Variants in FYB2 observed in about 807,000 individuals in gnomAD.
FYB2 encodes the protein FYN-binding protein 2.
A neutral mutation model predicts 94.1 loss-of-function variants in FYB2; 103 were observed. That is an observed-to-expected ratio of 1.09 (90% CI 0.93 to 1.29). The LOEUF (loss-of-function observed/expected upper bound fraction) is 1.29. Among genes scored for constraint, FYB2 ranks in the 50% most tolerant of loss-of-function variants. FYB2 has a pLI of 0.00. For synonymous variants in FYB2, 293 were observed against 287.9 expected, an observed-to-expected ratio of 1.02 and a Z score of -0.18; for missense variants, 896 against 841.5, an observed-to-expected ratio of 1.06 and a Z score of -0.80.
At chr1:56,720,908 C>T (rs1259653413) in intron 17 of FYB2, 1 of 152,136 alleles carries the variant, frequency 6.6e-6, no homozygotes, top group East Asian at 1.9e-4. Flanking sequence ...ACTAAAACCT[C>T]TGTGTAGTGC....
At chr1:56,759,821 G>T (rs1001764306) in intron 5 of FYB2, among the ~76,000 whole-genome samples, 1 of 152,114 alleles carries the variant, frequency 6.6e-6, no homozygotes, top group African/African-American at 2.4e-5. Flanking sequence ...GGTGGCTCAT[G>T]CCTGTAATCC....
chr1:56,766,234 C>G (rs1645619993), intron 5 of FYB2, among the ~76,000 whole-genome samples: 1 of 152,094 alleles, frequency 6.6e-6, no homozygotes, highest in African/African-American at 2.4e-5. Flanking sequence ...TGTATGAACG[C>G]TAGAAATTGA....
intron 1 of FYB2, among the ~76,000 whole-genome samples, chr1:56,800,483 AAATT>A (rs1266706781): frequency 3.3e-5 from 5 of 152,234 alleles, no homozygotes; most frequent in East Asian, 3.9e-4. Flanking sequence ...AAAAATAAAT[AAATT>A]AATTAATTAA....
intron 1 of FYB2, among the ~76,000 whole-genome samples, chr1:56,804,434 G>T (rs140874754): frequency 2.2e-4 from 33 of 152,228 alleles, no homozygotes; most frequent in Non-Finnish European, 4.1e-4. Flanking sequence ...CATCTAAAGC[G>T]CAGGTTCAGG....
rs764922120 is a variant in FYB2, at chr1:56,787,225, C to A, written c.920-17G>T. On this transcript the variant is annotated splice_polypyrimidine_tract_variant and intron_variant, in intron 3 of 19. Coordinates refer to ENST00000343433, the MANE Select transcript of FYB2 (RefSeq NM_001004303.5). Reference sequence around the variant, plus strand: ...CCACAGTCACTGCAAGAGAAAGAGGCGGAATGAAAAAGAGGCATTTGCAGC... The same window carrying A: ...CCACAGTCACTGCAAGAGAAAGAGGAGGAATGAAAAAGAGGCATTTGCAGC... 3 of 1,613,632 alleles carry A rather than the reference C, an allele frequency of 1.9e-6. No homozygotes were observed. The highest frequency in any genetic ancestry group is 4.5e-5 in the East Asian group (2 of 44,826).
chr1:56,789,211 C>T (rs41302786), intron 2 of FYB2, 77 bp from the exon 3 acceptor site: 13 of 1,473,406 alleles, frequency 8.8e-6, no homozygotes, highest in Non-Finnish European at 1.2e-5. Flanking sequence ...GGTTTCCTTG[C>T]CTCCATCTAA....
chr1:56,785,009 T>A (rs1237534181), intron 4 of FYB2, among the ~76,000 whole-genome samples: 3 of 152,208 alleles, frequency 2.0e-5, no homozygotes, highest in Non-Finnish European at 4.4e-5. Flanking sequence ...TTCAGCGCTA[T>A]GGCCCACATC....
intron 1 of FYB2, among the ~76,000 whole-genome samples, chr1:56,804,721 C>T (rs1212537382): frequency 6.6e-6 from 1 of 151,942 alleles, no homozygotes; most frequent in African/African-American, 2.4e-5. Flanking sequence ...CAGAGTGAGA[C>T]TCCATCTCAA....
At chr1:56,739,650 G>A (rs1644906522) in intron 13 of FYB2, among the ~76,000 whole-genome samples, 1 of 152,078 alleles carries the variant, frequency 6.6e-6, no homozygotes, top group African/African-American at 2.4e-5. Context: ...CTGCTTTACA[G>A]TGGTGTGAAA....
upstream of FYB2, among the ~76,000 whole-genome samples, chr1:56,821,446 T>A (rs545055229): frequency 2.0e-5 from 3 of 152,318 alleles, no homozygotes; most frequent in East Asian, 1.9e-4. Flanking sequence ...TTGCTGTATG[T>A]CTTACGATCC....
intron 14 of FYB2, chr1:56,737,777 A>C (rs1644861930): frequency 6.6e-6 from 1 of 152,080 alleles, no homozygotes; most frequent in Non-Finnish European, 1.5e-5. Flanking sequence ...ATAATTATTC[A>C]TAATTATTCA....
At chr1:56,793,738 GAAAAAAAAAA>G (rs61663036) in intron 1 of FYB2, among the ~76,000 whole-genome samples, 181 of 80,686 alleles carry the variant, frequency 2.2e-3, no homozygotes, top group Middle Eastern at 7.6e-3. Flanking sequence ...AACGAAAGTT[GAAAAAAAAAA>G]AAAAAAAAAA....
At chr1:56,760,988 A>T (rs762032445) in intron 5 of FYB2, among the ~76,000 whole-genome samples, 15 of 152,172 alleles carry the variant, frequency 9.9e-5, no homozygotes, top group Non-Finnish European at 1.9e-4. Context: ...GTCCTCGCTT[A>T]CTTTCTGCAC....
chr1:56,738,695 C>T, intron 13 of FYB2, 42 bp from the exon 14 acceptor site: 2 of 1,594,388 alleles, frequency 1.3e-6, no homozygotes, highest in South Asian at 2.2e-5. Context: ...AGGAAAAAAA[C>T]CATGTTTGGA....
intron 4 of FYB2, among the ~76,000 whole-genome samples, chr1:56,773,239 G>A (rs1645801536): frequency 1.3e-5 from 2 of 152,118 alleles, no homozygotes; most frequent in Admixed American, 6.5e-5. Context: ...GTCTACCTCT[G>A]GTCCACAGCC....
At chr1:56,788,776 G>A (rs1646188685) in intron 3 of FYB2, 197 bp downstream of exon 3, 3 of 687,744 alleles carry the variant, frequency 4.4e-6, no homozygotes, top group Admixed American at 2.4e-5. Context: ...AAGTGGGCTG[G>A]TCTAGGAGCG....
At chr1:56,801,867 A>C (rs1646529675) in intron 1 of FYB2, among the ~76,000 whole-genome samples, 1 of 152,220 alleles carries the variant, frequency 6.6e-6, no homozygotes, top group South Asian at 2.1e-4. Flanking sequence ...AAAGGCATGA[A>C]ATGTGCCTAG....
At chr1:56,809,014 G>C (rs538067779) in intron 1 of FYB2, among the ~76,000 whole-genome samples, 7 of 152,248 alleles carry the variant, frequency 4.6e-5, no homozygotes, top group South Asian at 2.1e-4. Context: ...CACATATATA[G>C]ATATAAATAT....
intron 8 of FYB2, among the ~76,000 whole-genome samples, chr1:56,752,399 A>C (rs973942111): frequency 6.6e-6 from 1 of 152,040 alleles, no homozygotes; most frequent in Non-Finnish European, 1.5e-5. Flanking sequence ...TGTCCTTCTG[A>C]CTACAACAGA....
Sources: gnomAD v4.1 joint callset for allele counts (sites outside exome capture counted in the v4.1 genomes callset) on GRCh38, gnomAD v4.1.1 for gene constraint, MANE v1.5 for transcripts, NCBI Gene and HGNC (gene_info 2026-07-23, HGNC 2026-07-21) for gene names.